DAB1: variants seen among roughly 807,000 people sequenced by gnomAD.
DAB1 encodes the protein disabled homolog 1.
Under a neutral mutation model 64.6 loss-of-function variants are expected in DAB1, and 15 were observed. That is an observed-to-expected ratio of 0.23 (90% CI 0.16 to 0.36). The LOEUF is 0.36. Among genes scored for constraint, DAB1 ranks in the 10% least tolerant of loss-of-function variants. The probability of loss-of-function intolerance (pLI) is 1.00; values close to 1 mark genes in which losing one functional copy is unlikely to be tolerated. For synonymous variants in DAB1, 235 were observed against 251.9 expected, an observed-to-expected ratio of 0.93 and a Z score of 0.64; for missense variants, 596 against 706.7, an observed-to-expected ratio of 0.84 and a Z score of 1.78.
intron 2 of DAB1, among the ~76,000 whole-genome samples, chr1:57,263,616 A>G (rs1464777730): frequency 6.6e-6 from 1 of 152,180 alleles, no homozygotes; most frequent in Non-Finnish European, 1.5e-5. Flanking sequence ...TTAGGATGCT[A>G]TCTGTCCTTT....
chr1:57,923,037 G>T (rs1043225126), intron 5 of DAB1, among the ~76,000 whole-genome samples: 1 of 150,832 alleles, frequency 6.6e-6, no homozygotes, highest in Non-Finnish European at 1.5e-5. Flanking sequence ...ACAGAAAGGG[G>T]GAAGACAATT....
intron 7 of DAB1, among the ~76,000 whole-genome samples, chr1:57,565,288 A>G (rs1645104163): frequency 6.6e-6 from 1 of 152,232 alleles, no homozygotes; most frequent in South Asian, 2.1e-4. Context: ...AAACATGGAA[A>G]GGAACAACAG....
At chr1:57,503,856 A>G (rs1199796310) in intron 7 of DAB1, among the ~76,000 whole-genome samples, 1 of 152,074 alleles carries the variant, frequency 6.6e-6, no homozygotes, top group East Asian at 1.9e-4. Context: ...TGCTCTTAGT[A>G]CCCTCTACTT....
chr1:57,618,087 C>T (rs927113737), intron 7 of DAB1, among the ~76,000 whole-genome samples: 3 of 152,180 alleles, frequency 2.0e-5, no homozygotes, highest in African/African-American at 4.8e-5. Context: ...ACCCTCTCTG[C>T]AGACTCCACT....
chr1:57,644,220 C>G (rs76834245), intron 7 of DAB1, among the ~76,000 whole-genome samples: 1 of 151,904 alleles, frequency 6.6e-6, no homozygotes. Context: ...TCAAAAGAGG[C>G]GAGAAACTAG....
chr1:58,536,921 T>C (rs535747084), intron 1 of DAB1, among the ~76,000 whole-genome samples: 1 of 152,272 alleles, frequency 6.6e-6, no homozygotes, highest in East Asian at 1.9e-4. Flanking sequence ...AAATAATCAA[T>C]GATGTAAAGT....
At chr1:57,286,280 T>C (rs1324528722) in intron 2 of DAB1, among the ~76,000 whole-genome samples, 1 of 152,196 alleles carries the variant, frequency 6.6e-6, no homozygotes, top group East Asian at 1.9e-4. Flanking sequence ...TTTCTCACAA[T>C]AGATGACCCA....
At chr1:57,513,956 T>G (rs944572702) in intron 7 of DAB1, among the ~76,000 whole-genome samples, 1 of 152,240 alleles carries the variant, frequency 6.6e-6, no homozygotes. Flanking sequence ...TGTTTGTCTT[T>G]CTGTGCCTGG....
chr1:57,713,512 T>G (rs1453845727), intron 6 of DAB1, among the ~76,000 whole-genome samples: 1 of 152,062 alleles, frequency 6.6e-6, no homozygotes, highest in African/African-American at 2.4e-5. Flanking sequence ...GAGGGGAAGA[T>G]GGTGGAGTGC....
rs139242846 is a variant in DAB1 at position 57,984,888 on chromosome 1, G to C, written n.388-100726C>G. Among the ~76,000 whole-genome samples the C allele has an allele frequency of 2.6e-3, 390 of 151,234 alleles. 5 individuals are homozygous for C. Among genetic ancestry groups the C allele is most frequent in the African/African-American group, 9.0e-3 (373 of 41,368 alleles). On this transcript the variant is annotated intron_variant and non_coding_transcript_variant, in intron 5 of 20. Transcript: ENST00000485760. The stretch of plus-strand genomic sequence containing the variant: ...GGTTAAAGGAGGCACAGTGGAAATT[G>C]CATTGAAAACCTGCTTTAGTTGTTG...
chr1:57,381,784 T>C (rs969930283), intron 1 of DAB1, among the ~76,000 whole-genome samples: 67 of 152,292 alleles, frequency 4.4e-4, no homozygotes, highest in African/African-American at 1.5e-3. Flanking sequence ...CCCACATTCA[T>C]CCCTTATTAT....
chr1:57,444,193 G>T (rs887545768), intron 7 of DAB1, among the ~76,000 whole-genome samples: 5 of 152,078 alleles, frequency 3.3e-5, no homozygotes, highest in African/African-American at 1.2e-4. Flanking sequence ...ATAAACTCTT[G>T]ATGTTCCTCT....
chr1:57,080,863 G>A (rs998363213), intron 4 of DAB1, among the ~76,000 whole-genome samples: 1 of 152,050 alleles, frequency 6.6e-6, no homozygotes, highest in Non-Finnish European at 1.5e-5. Flanking sequence ...ATGTGGCTAC[G>A]TATAATCACA....
chr1:57,877,073 A>C (rs1400628362), intron 1 of DAB1, among the ~76,000 whole-genome samples: 1 of 152,168 alleles, frequency 6.6e-6, no homozygotes, highest in Non-Finnish European at 1.5e-5. Context: ...ATATGTATAC[A>C]TGTGTTAAAT....
chr1:57,475,896 T>C (rs1277193673), intron 7 of DAB1, among the ~76,000 whole-genome samples: 1 of 152,188 alleles, frequency 6.6e-6, no homozygotes, highest in Non-Finnish European at 1.5e-5. Flanking sequence ...AATGAATGAA[T>C]AAATGAATGT....
chr1:57,515,664 T>A (rs151017340), intron 7 of DAB1, among the ~76,000 whole-genome samples: 2 of 152,382 alleles, frequency 1.3e-5, no homozygotes, highest in African/African-American at 4.8e-5. Flanking sequence ...CCATGCCTGA[T>A]GGATGTCTAA....
At chr1:57,747,451 G>A (rs1648330295) in intron 6 of DAB1, among the ~76,000 whole-genome samples, 1 of 152,150 alleles carries the variant, frequency 6.6e-6, no homozygotes, top group Non-Finnish European at 1.5e-5. Flanking sequence ...TGAGAGAGAG[G>A]AGAAAGAAGT....
At chr1:57,940,767 C>T (rs1884483) in intron 5 of DAB1, among the ~76,000 whole-genome samples, 61,287 of 151,980 alleles carry the variant, frequency 0.4, 13,506 homozygotes, top group Admixed American at 0.51. Flanking sequence ...GGATGGAATC[C>T]CTGCAATGCC....
At chr1:57,233,974 A>C (rs907159321) in intron 2 of DAB1, among the ~76,000 whole-genome samples, 1 of 152,220 alleles carries the variant, frequency 6.6e-6, no homozygotes, top group African/African-American at 2.4e-5. Flanking sequence ...GAGGTAGAAA[A>C]CCATATTAAC....
Sources: gnomAD v4.1 joint callset for allele counts (sites outside exome capture counted in the v4.1 genomes callset) on GRCh38, gnomAD v4.1.1 for gene constraint, MANE v1.5 for transcripts, NCBI Gene and HGNC (gene_info 2026-07-23, HGNC 2026-07-21) for gene names.